The following ARHGAP32 variants were observed in gnomAD, a reference collection of about 807,000 sequenced individuals.
ARHGAP32 encodes Rho GTPase activating protein 32, also known as rho GTPase-activating protein 32.
Under a neutral mutation model 186.5 loss-of-function variants are expected in ARHGAP32, and 51 were observed. The ratio of observed to expected loss-of-function variants is 0.27; its 90% CI spans 0.22 to 0.35. The LOEUF (loss-of-function observed/expected upper bound fraction) is 0.35, where lower values mean the gene tolerates loss of function less well. ARHGAP32 is among the 10% of genes least tolerant of loss of function. The pLI, the probability that ARHGAP32 is intolerant of heterozygous loss-of-function variation, is 1.00. For synonymous variants in ARHGAP32, 950 were observed against 964.3 expected (o/e 0.99, Z 0.27); for missense variants, 2,186 against 2,623.5 (o/e 0.83, Z 3.64).
chr11:129,143,088 T>TATATATAA (rs886102587), intron 2 of ARHGAP32, among the ~76,000 whole-genome samples: 10 of 149,022 alleles, frequency 6.7e-5, no homozygotes, highest in Non-Finnish European at 1.3e-4. Flanking sequence ...TATATATATA[T>TATATATAA]AATCAACTGA....
At chr11:129,245,804 T>C (rs943540138) in intron 1 of ARHGAP32, among the ~76,000 whole-genome samples, 2 of 151,944 alleles carry the variant, frequency 1.3e-5, no homozygotes, top group African/African-American at 2.4e-5. Context: ...GCATAATTCA[T>C]TGTGTTAAAT....
At chr11:129,111,162 CTG>C (rs1202933056) in intron 5 of ARHGAP32, among the ~76,000 whole-genome samples, 10 of 152,036 alleles carry the variant, frequency 6.6e-5, no homozygotes, top group African/African-American at 2.2e-4. Flanking sequence ...CAATTTTTTT[CTG>C]TGTCTTTGAG....
chr11:129,064,118 T>C (rs1591581737), intron 8 of ARHGAP32, 94 bp from the exon 9 acceptor site: 2 of 1,164,700 alleles, frequency 1.7e-6, no homozygotes, highest in Non-Finnish European at 2.3e-6. Flanking sequence ...AATTTAGAGA[T>C]ACAATAACCC....
At chr11:128,985,240 A>G (rs545158866) in intron 15 of ARHGAP32, among the ~76,000 whole-genome samples, 9 of 152,082 alleles carry the variant, frequency 5.9e-5, no homozygotes, top group African/African-American at 2.2e-4. Context: ...CTGGTCTCAA[A>G]CTCCTCACCT....
chr11:129,014,750 C>T (rs571914460), intron 11 of ARHGAP32, among the ~76,000 whole-genome samples: 3 of 152,006 alleles, frequency 2.0e-5, no homozygotes, highest in Non-Finnish European at 4.4e-5. Flanking sequence ...TATATAATAT[C>T]CTGTCTTTTA....
At chr11:129,193,597 A>ATAT (rs1944327671), upstream of ARHGAP32, among the ~76,000 whole-genome samples, 1 of 34,004 alleles carries the variant, frequency 2.9e-5, no homozygotes, top group Non-Finnish European at 5.5e-5. Context: ...AATATATGTT[A>ATAT]TATATAATAT....
At chr11:129,214,791 A>G (rs1944624956) in intron 1 of ARHGAP32, among the ~76,000 whole-genome samples, 1 of 152,250 alleles carries the variant, frequency 6.6e-6, no homozygotes, top group South Asian at 2.1e-4. Flanking sequence ...CTTTTTCTGT[A>G]AAGGGCCAGA....
intron 10 of ARHGAP32, 98 bp downstream of exon 10, chr11:129,062,182 T>C: frequency 2.1e-6 from 2 of 959,560 alleles, no homozygotes; most frequent in Non-Finnish European, 3.3e-6. Flanking sequence ...AAATTTCTGA[T>C]GACAAAGTCC....
At chr11:129,177,206 T>G (rs1343082939) in intron 1 of ARHGAP32, among the ~76,000 whole-genome samples, 2 of 152,100 alleles carry the variant, frequency 1.3e-5, no homozygotes, top group Admixed American at 6.6e-5. Context: ...ATAAATTCCT[T>G]GACACATACA....
In ARHGAP32 at chr11:128,970,667, A is replaced by G. The variant is rs951363309; in HGVS notation, c.4546T>C (p.Tyr1516His). The change falls in exon 23 of 23, where the codon TAC (tyrosine) becomes CAC (histidine). Residue 1516 changes from tyrosine (Y) to histidine (H), a missense_variant. Tyr to His is a moderately conservative substitution (Grantham distance 83, BLOSUM62 2). Around this residue, in one of 5 missense-constraint regions of ARHGAP32, gnomAD observed 1,502 missense variants for 1,570.0 expected, o/e 0.96. Transcript: ENST00000682385. This position sits in a 1 kb window ranked among gnomAD's most constrained non-coding sequence, Gnocchi z 5.8. ...LHFNMTPNCQ[Y>H]RPQSVPPHHN... ...TGGGGAGGTACACTCTGGGGACGGT[A>G]CTGGCAGTTTGGAGTCATATTGAAA... The G allele has an allele frequency of 1.2e-6, 2 of 1,614,172 alleles. No homozygotes were observed. Among genetic ancestry groups the G allele is most frequent in the African/African-American group, 2.7e-5 (2 of 75,016 alleles).
chr11:129,009,647 TC>T (rs1937971205), intron 11 of ARHGAP32, among the ~76,000 whole-genome samples: 1 of 152,314 alleles, frequency 6.6e-6, no homozygotes, highest in South Asian at 2.1e-4. Flanking sequence ...CCCAAACATG[TC>T]CCTGCAAAGG....
intron 6 of ARHGAP32, among the ~76,000 whole-genome samples, chr11:129,091,833 C>T (rs1431132376): frequency 1.3e-5 from 2 of 152,054 alleles, no homozygotes; most frequent in Non-Finnish European, 2.9e-5. Flanking sequence ...AGTTTCCTCA[C>T]TTGCAAAATT....
At chr11:129,129,178 C>A (rs1410714610) in intron 2 of ARHGAP32, among the ~76,000 whole-genome samples, 2 of 141,098 alleles carry the variant, frequency 1.4e-5, no homozygotes, top group Non-Finnish European at 3.2e-5. Flanking sequence ...AAGTGAGGAG[C>A]CCCTCCGCCC....
At chr11:128,984,239 G>T (rs1488993389) in intron 15 of ARHGAP32, among the ~76,000 whole-genome samples, 1 of 152,070 alleles carries the variant, frequency 6.6e-6, no homozygotes, top group African/African-American at 2.4e-5. Context: ...GCTGGGCATG[G>T]TGGTGTGTGC....
Position 128,965,699 on chromosome 11 carries a change from C to A in ARHGAP32, c.*3208G>T, listed in dbSNP as rs1487354884. 6.6e-6 allele frequency: 1 copy of A among 152,182 alleles called. No homozygotes were observed. Among genetic ancestry groups the A allele is most frequent in the African/African-American group, 2.4e-5 (1 of 41,440 alleles). 9.4% of individuals were successfully genotyped at this position (152,182 alleles called of 1,614,324 possible). A position where few individuals can be genotyped will look rare whatever the true frequency, so the allele number is the denominator to read the frequency against. On this transcript the variant is annotated 3_prime_UTR_variant, in exon 23 of 23. Transcript: ENST00000682385. ...TTTTGCTTTCATTATTACTTTCTTACACATTCTGCTCAAGCAGTACTTTGC... is the reference window on the plus strand; with the variant it reads ...TTTTGCTTTCATTATTACTTTCTTAAACATTCTGCTCAAGCAGTACTTTGC...
chr11:129,212,759 T>G (rs887550489), intron 1 of ARHGAP32, among the ~76,000 whole-genome samples: 12 of 152,302 alleles, frequency 7.9e-5, no homozygotes, highest in African/African-American at 2.6e-4. Context: ...ACTTAAATAT[T>G]TGTGATCCAA....
intron 1 of ARHGAP32, among the ~76,000 whole-genome samples, chr11:129,268,859 G>C (rs1229069503): frequency 1.3e-5 from 2 of 152,054 alleles, no homozygotes; most frequent in African/African-American, 4.8e-5. Context: ...ATTTCTAAAA[G>C]TGACTCTAGC....
At chr11:129,168,049 A>G (rs1162393878) in intron 1 of ARHGAP32, among the ~76,000 whole-genome samples, 3 of 152,108 alleles carry the variant, frequency 2.0e-5, no homozygotes, top group African/African-American at 7.2e-5. Flanking sequence ...GTTCAAGACC[A>G]GACTGGGCAA....
At chr11:129,128,516 G>C (rs1331391429) in intron 2 of ARHGAP32, among the ~76,000 whole-genome samples, 1 of 152,096 alleles carries the variant, frequency 6.6e-6, no homozygotes, top group Non-Finnish European at 1.5e-5. Flanking sequence ...ATCTATGAAA[G>C]TCTACAGTTA....
Sources: gnomAD v4.1 joint callset for allele counts (sites outside exome capture counted in the v4.1 genomes callset) on GRCh38, gnomAD v4.1.1 for gene constraint, gnomAD v4.1.1 regional missense constraint, Gnocchi (gnomAD v3.1) non-coding constraint, MANE v1.5 for transcripts, NCBI Gene and HGNC (gene_info 2026-07-23, HGNC 2026-07-21) for gene names.